The following DSCAML1 variants were observed in gnomAD, a reference collection of about 807,000 sequenced individuals.
The protein encoded by DSCAML1 is cell adhesion molecule DSCAML1.
A neutral mutation model predicts 200.5 loss-of-function variants in DSCAML1; 38 were observed. The observed-to-expected ratio is 0.19, with a 90% CI of 0.15 to 0.25. The LOEUF is 0.25. Among genes scored for constraint, DSCAML1 ranks in the 10% least tolerant of loss-of-function variants. The pLI is 1.00. For synonymous variants in DSCAML1, 1,215 were observed against 1,165.0 expected (o/e 1.04, Z -0.87); for missense variants, 2,223 against 2,858.8 (o/e 0.78, Z 5.07).
At chr11:117,535,868 G>A (rs887045428) in intron 3 of DSCAML1, among the ~76,000 whole-genome samples, 1 of 128,850 alleles carries the variant, frequency 7.8e-6, no homozygotes, top group Non-Finnish European at 1.6e-5. Context: ...GACAAACAGA[G>A]CACTTGGCCC....
chr11:117,788,448 T>C (rs1270936935), intron 1 of DSCAML1, among the ~76,000 whole-genome samples: 1 of 152,174 alleles, frequency 6.6e-6, no homozygotes, highest in African/African-American at 2.4e-5. Context: ...TGCCTCAGTC[T>C]CCTGAGTAGC....
At chr11:117,468,582 A>G (rs1159312827) in intron 16 of DSCAML1, among the ~76,000 whole-genome samples, 3 of 152,118 alleles carry the variant, frequency 2.0e-5, no homozygotes, top group African/African-American at 7.2e-5. Context: ...TTGGGATTGG[A>G]TGCCCGGCCT....
intron 18 of DSCAML1, among the ~76,000 whole-genome samples, chr11:117,459,900 A>G (rs1422167424): frequency 2.0e-5 from 3 of 152,254 alleles, no homozygotes; most frequent in African/African-American, 7.2e-5. Flanking sequence ...TCCAGAGGGC[A>G]AGAAGGCTGT....
At chr11:117,638,162 G>C (rs1241016270) in intron 3 of DSCAML1, among the ~76,000 whole-genome samples, 1 of 152,190 alleles carries the variant, frequency 6.6e-6, no homozygotes, top group Non-Finnish European at 1.5e-5. Context: ...TAAACATTAT[G>C]AAGAGGCAGA....
At chr11:117,556,015 C>T (rs78874946) in intron 3 of DSCAML1, among the ~76,000 whole-genome samples, 229 of 152,242 alleles carry the variant, frequency 1.5e-3, no homozygotes, top group African/African-American at 5.0e-3. Flanking sequence ...TCTGCAGTTG[C>T]ACTGTCTGGG....
chr11:117,781,011 C>T (rs929243399), intron 1 of DSCAML1, among the ~76,000 whole-genome samples: 1 of 152,140 alleles, frequency 6.6e-6, no homozygotes, highest in Non-Finnish European at 1.5e-5. Context: ...TAGAAAACCA[C>T]AGCCTTCGGG....
chr11:117,500,792 G>A (rs191695774), intron 11 of DSCAML1, among the ~76,000 whole-genome samples: 41 of 152,298 alleles, frequency 2.7e-4, no homozygotes, highest in Non-Finnish European at 4.6e-4. Flanking sequence ...TCTGACACTT[G>A]GAGGCTTTCT....
At chr11:117,428,931 G>T (rs556916948) in intron 32 of DSCAML1, 128 bp from the exon 33 acceptor site, 70 of 802,700 alleles carry the variant, frequency 8.7e-5, no homozygotes, top group Middle Eastern at 7.2e-4. Context: ...TCCACTGGGG[G>T]GCAATAAAGA....
At chr11:117,746,265 A>G (rs1034732229) in intron 3 of DSCAML1, among the ~76,000 whole-genome samples, 5 of 148,330 alleles carry the variant, frequency 3.4e-5, no homozygotes, top group East Asian at 2.0e-4. Context: ...ACATAGTGCT[A>G]TATAAGTGAA....
intron 16 of DSCAML1, among the ~76,000 whole-genome samples, chr11:117,468,552 G>C (rs991159765): frequency 6.6e-6 from 1 of 152,148 alleles, no homozygotes; most frequent in Non-Finnish European, 1.5e-5. Flanking sequence ...CAGGTCCACA[G>C]CCAGGACGCA....
intron 20 of DSCAML1, among the ~76,000 whole-genome samples, chr11:117,448,681 G>A (rs1182048470): frequency 6.6e-6 from 1 of 152,022 alleles, no homozygotes; most frequent in Non-Finnish European, 1.5e-5. Flanking sequence ...AACAGAGCAG[G>A]ACACATGGCT....
intron 3 of DSCAML1, among the ~76,000 whole-genome samples, chr11:117,669,472 C>A (rs2053055433): frequency 6.6e-6 from 1 of 152,240 alleles, no homozygotes; most frequent in Admixed American, 6.5e-5. Context: ...ATCCTTCAAC[C>A]ATTCAACAGC....
intron 3 of DSCAML1, among the ~76,000 whole-genome samples, chr11:117,551,342 T>A (rs182777323): frequency 3.9e-5 from 6 of 152,292 alleles, no homozygotes; most frequent in Admixed American, 3.9e-4. Flanking sequence ...TCTGGGCTTT[T>A]CCCACAATCC....
chr11:117,563,033 G>A (rs894239132), intron 3 of DSCAML1, among the ~76,000 whole-genome samples: 6 of 152,132 alleles, frequency 3.9e-5, no homozygotes, highest in Non-Finnish European at 7.3e-5. Flanking sequence ...ACGTGCCCCC[G>A]TTCCAGCCTC....
intron 3 of DSCAML1, among the ~76,000 whole-genome samples, chr11:117,687,885 G>A (rs2053432270): frequency 6.6e-6 from 1 of 152,176 alleles, no homozygotes; most frequent in African/African-American, 2.4e-5. Context: ...TCTGGACCTT[G>A]GATCTGACCA....
chr11:117,697,693 T>C (rs1350166072), intron 3 of DSCAML1, among the ~76,000 whole-genome samples: 1 of 152,166 alleles, frequency 6.6e-6, no homozygotes, highest in Non-Finnish European at 1.5e-5. Context: ...CATACAGTAT[T>C]GGTCCTTTTG....
At chr11:117,719,439 G>A (rs981818642) in intron 3 of DSCAML1, among the ~76,000 whole-genome samples, 3 of 152,198 alleles carry the variant, frequency 2.0e-5, no homozygotes, top group Non-Finnish European at 2.9e-5. Flanking sequence ...GCAAGACTCT[G>A]TCAAAGGAAG....
At chr11:117,446,799 A>G (rs540008193) in intron 20 of DSCAML1, among the ~76,000 whole-genome samples, 2 of 152,378 alleles carry the variant, frequency 1.3e-5, no homozygotes, top group South Asian at 4.1e-4. Flanking sequence ...GCAGAACTTT[A>G]AGAATACTTA....
chr11:117,483,161 C>A (rs551685570), intron 11 of DSCAML1, among the ~76,000 whole-genome samples: 100 of 152,336 alleles, frequency 6.6e-4, no homozygotes, highest in African/African-American at 2.1e-3. Context: ...AAAATGGTCT[C>A]AGCTGCAGCG....
Sources: allele counts gnomAD v4.1 joint callset (sites outside exome capture counted in the v4.1 genomes callset), GRCh38; gene constraint gnomAD v4.1.1; transcripts MANE v1.5; gene names NCBI Gene and HGNC (gene_info 2026-07-23, HGNC 2026-07-21).